Variants in ZRANB3 observed in about 807,000 individuals in gnomAD.
ZRANB3 encodes DNA annealing helicase and endonuclease ZRANB3.
ZRANB3 carries 125 observed loss-of-function variants against 133.8 expected under a neutral mutation model. The ratio of observed to expected loss-of-function variants is 0.93; its 90% CI spans 0.81 to 1.08. The LOEUF (loss-of-function observed/expected upper bound fraction) is 1.08, where lower values mean the gene tolerates loss of function less well. Among genes scored for constraint, ZRANB3 ranks in the 50% least tolerant of loss-of-function variants. The pLI, the probability that ZRANB3 is intolerant of heterozygous loss-of-function variation, is 0.00. For missense variants in ZRANB3, 1,229 were observed against 1,275.5 expected, an observed-to-expected ratio of 0.96 and a Z score of 0.56; for synonymous variants, 387 against 432.7, an observed-to-expected ratio of 0.89 and a Z score of 1.31.
intron 8 of ZRANB3, among the ~76,000 whole-genome samples, chr2:135,283,646 A>G (rs1243155835): frequency 1.3e-5 from 2 of 151,802 alleles, no homozygotes; most frequent in African/African-American, 4.8e-5. Context: ...TTCAATTTTT[A>G]AAAACATTCT....
At chr2:135,291,162 C>T (rs772215400) in intron 8 of ZRANB3, among the ~76,000 whole-genome samples, 11 of 149,012 alleles carry the variant, frequency 7.4e-5, no homozygotes, top group Admixed American at 5.3e-4. Context: ...GCGCCTGGCC[C>T]GGGAACACCA....
At chr2:135,314,191 G>A (rs567254137) in intron 7 of ZRANB3, among the ~76,000 whole-genome samples, 13 of 152,152 alleles carry the variant, frequency 8.5e-5, no homozygotes, top group African/African-American at 3.1e-4. Context: ...GATACATTCT[G>A]TAAAATGAAC....
chr2:135,471,079 G>T (rs918501247), intron 2 of ZRANB3, among the ~76,000 whole-genome samples: 1 of 150,816 alleles, frequency 6.6e-6, no homozygotes, highest in Non-Finnish European at 1.5e-5. Flanking sequence ...GGGATTACAG[G>T]GTTGAGCCAC....
intron 2 of ZRANB3, among the ~76,000 whole-genome samples, chr2:135,448,732 G>C (rs1690137358): frequency 6.6e-6 from 1 of 152,204 alleles, no homozygotes. Context: ...AGGTACTTCA[G>C]ATATAGACAA....
At chr2:135,471,445 T>C (rs1038208276) in intron 2 of ZRANB3, among the ~76,000 whole-genome samples, 2 of 152,228 alleles carry the variant, frequency 1.3e-5, no homozygotes, top group Admixed American at 6.5e-5. Flanking sequence ...ATTATTACTA[T>C]GTCAGCAACA....
At chr2:135,383,578 T>C (rs528910421) in intron 3 of ZRANB3, among the ~76,000 whole-genome samples, 10 of 152,212 alleles carry the variant, frequency 6.6e-5, no homozygotes, top group African/African-American at 9.6e-5. Flanking sequence ...TACTCCAAAA[T>C]TGACCACATA....
intron 1 of ZRANB3, among the ~76,000 whole-genome samples, chr2:135,519,975 G>A (rs183746098): frequency 7.9e-4 from 120 of 152,238 alleles, no homozygotes; most frequent in Admixed American, 2.7e-3. Flanking sequence ...GCTGTGAACC[G>A]GAGGTAAAAG....
intron 8 of ZRANB3, among the ~76,000 whole-genome samples, chr2:135,278,417 C>T (rs1680940881): frequency 6.6e-6 from 1 of 151,972 alleles, no homozygotes; most frequent in African/African-American, 2.4e-5. Flanking sequence ...TCCAATATAC[C>T]ATTTCTTGGG....
intron 2 of ZRANB3, among the ~76,000 whole-genome samples, chr2:135,410,928 A>G (rs1688274092): frequency 6.6e-6 from 1 of 152,178 alleles, no homozygotes; most frequent in South Asian, 2.1e-4. Flanking sequence ...CACCAGTCAG[A>G]ATGGCTATCA....
At chr2:135,340,345 A>G (rs1045654963) in intron 6 of ZRANB3, among the ~76,000 whole-genome samples, 1 of 151,930 alleles carries the variant, frequency 6.6e-6, no homozygotes, top group Non-Finnish European at 1.5e-5. Context: ...ACCTCAGGTG[A>G]TCTACCTGGC....
chr2:135,345,604 T>G lies in ZRANB3; in HGVS notation c.623A>C (p.Gln208Pro). 6.2e-7 allele frequency: 1 copy of G among 1,612,914 alleles called. No individual in the cohort carries two copies. Among genetic ancestry groups the G allele is most frequent in the Non-Finnish European group, 8.5e-7 (1 of 1,179,344 alleles). ...LFMQIEALFP[Q>P]KFGRWTDYAK... is the part of the protein sequence containing the mutation. ...ATAGTCGGTCCATCTTCCAAATTTTTGTGGAAAGAGAGCTTCAATCTGCAT... is the reference window on the plus strand; with the variant it reads ...ATAGTCGGTCCATCTTCCAAATTTTGGTGGAAAGAGAGCTTCAATCTGCAT... The change falls in exon 6 of 21, where the codon CAA (glutamine) becomes CCA (proline). Residue 208 changes from glutamine (Q) to proline (P), a missense_variant. Transcript: ENST00000264159.
At chr2:135,296,860 T>C (rs1682144972) in intron 8 of ZRANB3, among the ~76,000 whole-genome samples, 1 of 152,204 alleles carries the variant, frequency 6.6e-6, no homozygotes, top group South Asian at 2.1e-4. Context: ...CCTGTTTTCC[T>C]GGGTATCAGC....
At position 135,353,597 on chromosome 2, in the gene ZRANB3, C is replaced by A; in HGVS notation, c.212G>T (p.Gly71Val). ...MGLGKTIQAI[G>V]ITYFYKEEWP... ...TTCCTCTTTATAGAAGTAAGTAATT[C>A]CAATTGCCTGGATTGTCTTTCCTAG... The change falls in exon 4 of 21, where the codon GGA becomes GTA. Residue 71 changes from glycine to valine, a missense_variant. Physicochemically the swap from Gly to Val is moderately radical, Grantham distance 109. Coordinates refer to ENST00000264159, the MANE Select transcript of ZRANB3 (RefSeq NM_032143.4). The A allele has an allele frequency of 1.3e-6, 2 of 1,587,162 alleles. No individual in the cohort carries two copies. Among genetic ancestry groups the A allele is most frequent in the Admixed American group, 3.5e-5 (2 of 56,390 alleles).
chr2:135,432,753 AAAG>A (rs1689376044), intron 2 of ZRANB3, among the ~76,000 whole-genome samples: 1 of 152,202 alleles, frequency 6.6e-6, no homozygotes. Context: ...AAAATGTCTC[AAAG>A]AAGGCCAGAA....
chr2:135,452,948 G>A (rs552484968), intron 2 of ZRANB3, among the ~76,000 whole-genome samples: 7 of 152,328 alleles, frequency 4.6e-5, no homozygotes, highest in East Asian at 1.9e-4. Flanking sequence ...TGGGGGCTCC[G>A]ACCCAACATT....
intron 2 of ZRANB3, among the ~76,000 whole-genome samples, chr2:135,441,816 A>C (rs1404103126): frequency 2.6e-5 from 4 of 152,164 alleles, no homozygotes; most frequent in Admixed American, 2.6e-4. Context: ...AAGGCTAAAA[A>C]TTTACATTGG....
Position 135,382,078 on chromosome 2 carries a change from G to C in ZRANB3, c.180+8724C>G, listed in dbSNP as rs990710868. On this transcript the variant is annotated intron_variant, in intron 3 of 20. Coordinates refer to ENST00000264159, the MANE Select transcript of ZRANB3 (RefSeq NM_032143.4). ...GGAGGAAGTACGAACCCAATGCAAA[G>C]AACTTAAAAACCTTGAAAAAAGATT... is the stretch of plus-strand genomic sequence containing the variant. Among the ~76,000 whole-genome samples, 54 of 152,258 alleles carry C rather than the reference G, an allele frequency of 3.5e-4. 1 individual carries two copies. Among genetic ancestry groups the C allele is most frequent in the Non-Finnish European group, 6.3e-4 (43 of 68,020 alleles).
At chr2:135,385,283 A>T (rs1409645064) in intron 3 of ZRANB3, among the ~76,000 whole-genome samples, 1 of 152,184 alleles carries the variant, frequency 6.6e-6, no homozygotes, top group Non-Finnish European at 1.5e-5. Flanking sequence ...CCAACTTACA[A>T]GGGATGTGAA....
rs954974630 is a variant in ZRANB3 at position 135,443,130 on chromosome 2, A to G, written c.162-52310T>C. Among the ~76,000 whole-genome samples the G allele has an allele frequency of 3.0e-4, 40 of 132,474 alleles. 1 individual carries two copies. Among genetic ancestry groups the G allele is most frequent in the Middle Eastern group, 3.6e-3 (1 of 276 alleles). 86.9% of individuals were successfully genotyped at this position (132,474 alleles called of 152,430 possible). A position where few individuals can be genotyped will look rare whatever the true frequency, so the allele number is the denominator to read the frequency against. On this transcript the variant is annotated intron_variant, in intron 2 of 20. Coordinates refer to ENST00000264159, the MANE Select transcript of ZRANB3 (RefSeq NM_032143.4). ...GACTCCATCTCAAAAAAAAAAAGAA[A>G]GAAAAAGAAAAAAGAAAAGAAAAGA...
Sources: gnomAD v4.1 joint callset for allele counts (sites outside exome capture counted in the v4.1 genomes callset) on GRCh38, gnomAD v4.1.1 for gene constraint, MANE v1.5 for transcripts, NCBI Gene and HGNC (gene_info 2026-07-23, HGNC 2026-07-21) for gene names.